The following TNRC6A variants were observed in gnomAD, a reference collection of about 807,000 sequenced individuals.
TNRC6A encodes the protein trinucleotide repeat-containing gene 6A protein.
In TNRC6A, 44 loss-of-function variants were observed where a neutral mutation model predicts 221.2. That is an observed-to-expected ratio of 0.20 (90% confidence interval 0.16 to 0.26). The LOEUF (loss-of-function observed/expected upper bound fraction) is 0.26. Ranked by LOEUF, TNRC6A falls within the 10% of genes least tolerant of loss-of-function variation. The probability of loss-of-function intolerance (pLI) is 1.00; values close to 1 mark genes in which losing one functional copy is unlikely to be tolerated. For missense variants in TNRC6A, 2,199 were observed against 2,404.4 expected, an observed-to-expected ratio of 0.91 and a Z score of 1.79; for synonymous variants, 847 against 838.5, an observed-to-expected ratio of 1.01 and a Z score of -0.18.
At chr16:24,709,599 G>A (rs915778137) in intron 2 of TNRC6A, among the ~76,000 whole-genome samples, 3 of 151,960 alleles carry the variant, frequency 2.0e-5, no homozygotes, top group East Asian at 1.9e-4. Flanking sequence ...TGAGGTAGGT[G>A]GATCGCTTAG....
In TNRC6A at chr16:24,630,965, A is replaced by G. The variant is rs115476599; in HGVS notation, n.277-9919A>G. Among the ~76,000 whole-genome samples the G allele has an allele frequency of 3.7e-3, 553 of 151,076 alleles. 5 individuals are homozygous for G. The highest frequency in any genetic ancestry group is 0.013 in the African/African-American group (532 of 41,144). Reference sequence around the variant, plus strand: ...GAGGTGGGAAGGAGTGTGTTGGTGGAGCTTAGACATTCAGCCTGGAGGGTC... The same window carrying G: ...GAGGTGGGAAGGAGTGTGTTGGTGGGGCTTAGACATTCAGCCTGGAGGGTC... On this transcript the variant is annotated intron_variant and non_coding_transcript_variant, in intron 1 of 2. Transcript: ENST00000566108.
chr16:24,770,504 G>A (rs1398921762), intron 4 of TNRC6A, among the ~76,000 whole-genome samples: 1 of 152,194 alleles, frequency 6.6e-6, no homozygotes, highest in Non-Finnish European at 1.5e-5. Context: ...ATTTGAATTT[G>A]AGGTATTCTG....
At chr16:24,635,813 T>C (rs1410085431) in intron 1 of TNRC6A, among the ~76,000 whole-genome samples, 1 of 152,236 alleles carries the variant, frequency 6.6e-6, no homozygotes, top group Non-Finnish European at 1.5e-5. Flanking sequence ...TTGGTCTCCA[T>C]GGTTTTTTGT....
At chr16:24,755,746 T>C (rs2057237425) in intron 3 of TNRC6A, among the ~76,000 whole-genome samples, 1 of 152,208 alleles carries the variant, frequency 6.6e-6, no homozygotes, top group South Asian at 2.1e-4. Context: ...CACTGCTGTC[T>C]TCAGTAATGA....
intron 2 of TNRC6A, among the ~76,000 whole-genome samples, chr16:24,744,484 C>T (rs576261638): frequency 4.6e-5 from 7 of 152,188 alleles, no homozygotes; most frequent in Non-Finnish European, 1.0e-4. Flanking sequence ...TGGTACTTCT[C>T]TCCATTCACT....
chr16:24,808,942 C>T (rs189671793), intron 17 of TNRC6A, among the ~76,000 whole-genome samples: 6 of 152,284 alleles, frequency 3.9e-5, no homozygotes, highest in African/African-American at 1.4e-4. Context: ...CAGCAAAGGT[C>T]AAGTAAATTG....
At chr16:24,750,838 A>G in intron 3 of TNRC6A, 25 bp downstream of exon 3, 1 of 1,463,466 alleles carries the variant, frequency 6.8e-7, no homozygotes, top group Non-Finnish European at 9.0e-7. Context: ...AACTATTTAT[A>G]TTAAGCAGTT....
rs1338867779 is a variant in TNRC6A at position 24,789,369 on chromosome 16, C to G, written c.727C>G (p.Pro243Ala). 3 of 1,614,072 alleles carry G rather than the reference C, an allele frequency of 1.9e-6. No homozygotes were observed. The highest frequency in any genetic ancestry group is 2.5e-6 in the Non-Finnish European group (3 of 1,180,030). ...GGAAAAAGAAGCATGGCCCTCAGCC[C>G]CTGGCAGTGATCCGGAGTTGGCTTC... ...LSEKEAWPSA[P>A]GSDPELASEC... Residue 243 changes from proline (P) to alanine (A), a missense_variant, in exon 6 of 25, where the codon CCT (proline) becomes GCT (alanine). Transcript: ENST00000395799.
At position 24,806,189 on chromosome 16, in the gene TNRC6A, C is replaced by T. The variant is rs377362482; in HGVS notation, c.4252-17C>T. ...AATGGTGTGATAGTAACAACCTTTT[C>T]GCTATCTTTCCTCTAGCGATTGTTA... On this transcript the variant is annotated splice_polypyrimidine_tract_variant and intron_variant, in intron 15 of 24. Coordinates refer to ENST00000395799, the MANE Select transcript of TNRC6A (RefSeq NM_014494.4). The T allele has an allele frequency of 4.3e-5, 69 of 1,613,150 alleles. No individual in the cohort carries two copies. Among genetic ancestry groups the T allele is most frequent in the African/African-American group, 2.7e-4 (20 of 74,888 alleles).
At chr16:24,793,767 A>G (rs2058161233) in intron 7 of TNRC6A, 118 bp downstream of exon 7, 1 of 857,644 alleles carries the variant, frequency 1.2e-6, no homozygotes, top group Admixed American at 4.3e-5. Flanking sequence ...ATAATGTAAC[A>G]TGATAGATGA....
intron 19 of TNRC6A, 91 bp downstream of exon 19, chr16:24,815,396 G>T (rs545669692): frequency 1.4e-6 from 2 of 1,448,608 alleles, no homozygotes; most frequent in East Asian, 4.8e-5. Flanking sequence ...AGCCCAGATC[G>T]GCGTGCTTAG....
intron 2 of TNRC6A, among the ~76,000 whole-genome samples, chr16:24,714,799 G>T (rs1292102083): frequency 6.6e-6 from 1 of 151,634 alleles, no homozygotes; most frequent in Non-Finnish European, 1.5e-5. Flanking sequence ...TTCTGGGTCA[G>T]TTTCAAAGAG....
chr16:24,768,491 G>T (rs1310967749), intron 4 of TNRC6A, among the ~76,000 whole-genome samples: 1 of 149,428 alleles, frequency 6.7e-6, no homozygotes, highest in Admixed American at 6.7e-5. Flanking sequence ...AAAATCCTTT[G>T]TTGTTGCTCT....
chr16:24,777,103 C>G lies in TNRC6A; in HGVS notation c.334C>G (p.Gln112Glu). 9.2e-7 allele frequency: 1 copy of G among 1,090,894 alleles called. No homozygotes were observed. The highest frequency in any genetic ancestry group is 1.3e-6 in the Non-Finnish European group (1 of 768,706). 67.6% of individuals were successfully genotyped at this position (1,090,894 alleles called of 1,614,324 possible). A position where few individuals can be genotyped will look rare whatever the true frequency, so the allele number is the denominator to read the frequency against. The change falls in exon 5 of 25, where the codon CAG (glutamine) becomes GAG (glutamate). Residue 112 changes from glutamine (Q) to glutamate (E), a missense_variant. Around this residue, in one of 8 missense-constraint regions of TNRC6A, gnomAD observed 1,405 missense variants for 1,400.2 expected, o/e 1.00. Transcript: ENST00000395799. ...GCCGCAGCAGCAGCAGCCACAGCAGCAGCCACAGCCGCAGCCGCAGCAGCA... is the reference window on the plus strand; with the variant it reads ...GCCGCAGCAGCAGCAGCCACAGCAGGAGCCACAGCCGCAGCCGCAGCAGCA... The part of the protein sequence containing the change: ...QQPQQQQPQQ[Q>E]PQPQPQQQQP...
At chr16:24,639,678 A>G (rs575539959) in intron 1 of TNRC6A, among the ~76,000 whole-genome samples, 5 of 152,194 alleles carry the variant, frequency 3.3e-5, no homozygotes, top group Admixed American at 6.5e-5. Flanking sequence ...GTCTCGCTCT[A>G]TCGCCCAGGC....
At chr16:24,763,191 T>C (rs2057400139) in intron 4 of TNRC6A, among the ~76,000 whole-genome samples, 1 of 152,234 alleles carries the variant, frequency 6.6e-6, no homozygotes, top group South Asian at 2.1e-4. Context: ...CTGATCCTTC[T>C]GTGGAGCAAA....
Position 24,790,159 on chromosome 16 carries a change from A to G in TNRC6A, c.1517A>G (p.His506Arg), listed in dbSNP as rs777790679. The G allele has an allele frequency of 6.2e-7, 1 of 1,614,140 alleles. No homozygotes were observed. The highest frequency in any genetic ancestry group is 8.5e-7 in the Non-Finnish European group (1 of 1,180,014). The change falls in exon 6 of 25, where the codon CAC (histidine) becomes CGC (arginine). Residue 506 changes from histidine (H) to arginine (R), a missense_variant. Coordinates refer to ENST00000395799, the MANE Select transcript of TNRC6A (RefSeq NM_014494.4). ...PSGMNGTSLS[H>R]LSNGESKSGG... ...GGTATGAATGGCACTTCCCTTTCTC[A>G]CCTTAGCAATGGAGAGTCAAAAAGT...
Position 24,634,757 on chromosome 16 carries a change from A to G in TNRC6A, n.277-6127A>G, listed in dbSNP as rs151100715. Among the ~76,000 whole-genome samples the G allele has an allele frequency of 6.8e-3, 1,043 of 152,268 alleles. 13 individuals are homozygous for G. Among genetic ancestry groups the G allele is most frequent in the African/African-American group, 0.024 (990 of 41,552 alleles). Reference sequence around the variant, plus strand: ...ACAAGGGATCCAGAATGTGCTCTCCAGGGTGGGGCAGCATCAGCCCCCACC... The same window carrying G: ...ACAAGGGATCCAGAATGTGCTCTCCGGGGTGGGGCAGCATCAGCCCCCACC... On this transcript the variant is annotated intron_variant and non_coding_transcript_variant, in intron 1 of 2. Transcript: ENST00000566108.
chr16:24,798,565 C>T (rs2058266896), intron 11 of TNRC6A, among the ~76,000 whole-genome samples: 1 of 152,190 alleles, frequency 6.6e-6, no homozygotes, highest in Admixed American at 6.5e-5. Flanking sequence ...AGAGAAAAGA[C>T]ACTGAAGATA....
Sources: allele counts gnomAD v4.1 joint callset (sites outside exome capture counted in the v4.1 genomes callset), GRCh38; gene constraint gnomAD v4.1.1; regional missense constraint gnomAD v4.1.1; transcripts MANE v1.5; gene names NCBI Gene and HGNC (gene_info 2026-07-23, HGNC 2026-07-21).